The following ZBBX variants were observed in gnomAD, a reference collection of about 807,000 sequenced individuals.
The protein encoded by ZBBX is zinc finger B-box domain containing.
Under a neutral mutation model 108.5 loss-of-function variants are expected in ZBBX, and 101 were observed. That is an observed-to-expected ratio of 0.93 (90% CI 0.79 to 1.10). The LOEUF is 1.10. Among genes scored for constraint, ZBBX ranks in the 50% least tolerant of loss-of-function variants. ZBBX has a pLI of 0.00. For missense variants in ZBBX, 1,009 were observed against 941.4 expected (o/e 1.07, Z -0.94); for synonymous variants, 356 against 323.4 (o/e 1.10, Z -1.08).
At chr3:167,182,760 G>T in the ZBBX span, among the ~76,000 whole-genome samples, 4 of 152,002 alleles carry the variant, frequency 2.6e-5, no homozygotes, top group Non-Finnish European at 5.9e-5. Flanking sequence ...GGAATCATCT[G>T]ACTGCAAACA....
upstream of ZBBX, among the ~76,000 whole-genome samples, chr3:167,380,952 C>A (rs1334412934): frequency 6.6e-6 from 1 of 151,276 alleles, no homozygotes; most frequent in East Asian, 1.9e-4. Flanking sequence ...AAAGCTGCAC[C>A]TGTAGTGAAT....
intron 17 of ZBBX, among the ~76,000 whole-genome samples, chr3:167,301,753 C>T (rs987240896): frequency 1.3e-5 from 2 of 152,036 alleles, no homozygotes; most frequent in South Asian, 2.1e-4. Flanking sequence ...GTCAGGAGAT[C>T]GAGACCATCC....
At chr3:167,335,177 G>A (rs1739350915) in intron 9 of ZBBX, among the ~76,000 whole-genome samples, 3 of 151,484 alleles carry the variant, frequency 2.0e-5, no homozygotes, top group African/African-American at 2.4e-5. Context: ...GCTCACAAAA[G>A]GAAAAAACAT....
chr3:167,179,586 T>C, the ZBBX span, among the ~76,000 whole-genome samples: 3 of 152,236 alleles, frequency 2.0e-5, no homozygotes, highest in South Asian at 6.2e-4. Flanking sequence ...GTATTTTCAA[T>C]TAATTGTGTG....
chr3:167,237,004 G>A (rs1307367116), downstream of ZBBX, among the ~76,000 whole-genome samples: 1 of 151,732 alleles, frequency 6.6e-6, no homozygotes, highest in Admixed American at 6.6e-5. Context: ...GCCAAAACAA[G>A]GATAAGATGA....
At chr3:167,227,782 A>G in the ZBBX span, among the ~76,000 whole-genome samples, 1 of 151,712 alleles carries the variant, frequency 6.6e-6, no homozygotes, top group Non-Finnish European at 1.5e-5. Flanking sequence ...GCCTACATGT[A>G]TCCCATTATT....
intron 20 of ZBBX, among the ~76,000 whole-genome samples, chr3:167,277,788 G>C (rs536677549): frequency 6.6e-6 from 1 of 152,106 alleles, no homozygotes; most frequent in African/African-American, 2.4e-5. Context: ...CAAATCAACA[G>C]AATATACATT....
At chr3:167,366,989 T>C (rs985686198) in intron 5 of ZBBX, 2 of 436,044 alleles carry the variant, frequency 4.6e-6, no homozygotes, top group Non-Finnish European at 9.2e-6. Context: ...GGTATGTATA[T>C]AAGTTATGCA....
At chr3:167,271,632 T>G (rs756173957) in intron 20 of ZBBX, among the ~76,000 whole-genome samples, 1 of 152,144 alleles carries the variant, frequency 6.6e-6, no homozygotes, top group Non-Finnish European at 1.5e-5. Flanking sequence ...TCAGAGTTCA[T>G]GGGTGTATAG....
the ZBBX span, among the ~76,000 whole-genome samples, chr3:167,178,856 A>C: frequency 6.6e-6 from 1 of 152,176 alleles, no homozygotes; most frequent in Admixed American, 6.5e-5. Flanking sequence ...ATTCAATCGC[A>C]TATGTGGTGT....
intron 9 of ZBBX, among the ~76,000 whole-genome samples, chr3:167,344,357 G>A (rs1741078462): frequency 6.6e-6 from 1 of 151,824 alleles, no homozygotes; most frequent in Non-Finnish European, 1.5e-5. Flanking sequence ...AATGAATTGT[G>A]TGGTATATGA....
rs916455391 is a variant in ZBBX at position 167,386,740 on chromosome 3, T to C, written c.-445-6335A>G. ...CATTTCAGAGAAAAAGTCATTTATT[T>C]CTGGTCCTTGCCAAGTTTCAATAAG... On this transcript the variant is annotated intron_variant, in intron 1 of 21. Coordinates refer to the ZBBX transcript ENST00000455345. 3.3e-5 allele frequency among the ~76,000 whole-genome samples: 5 copies of C among 152,196 alleles called. No homozygotes were observed. The East Asian group carries it at 9.7e-4, about 29-fold the overall frequency.
chr3:167,298,898 A>T (rs1732135362), intron 17 of ZBBX, among the ~76,000 whole-genome samples: 1 of 152,030 alleles, frequency 6.6e-6, no homozygotes, highest in Non-Finnish European at 1.5e-5. Flanking sequence ...TGGAAAAAAA[A>T]ATGTAAGTTA....
chr3:167,233,970 T>C, the ZBBX span, among the ~76,000 whole-genome samples: 1 of 151,760 alleles, frequency 6.6e-6, no homozygotes, highest in Non-Finnish European at 1.5e-5. Context: ...TTATAAAGAA[T>C]CCCTTTATAT....
Position 167,379,632 on chromosome 3 carries a change from A to G in ZBBX, c.-132+6T>C, listed in dbSNP as rs1286848144. 1 of 152,200 alleles carries G rather than the reference A, an allele frequency of 6.6e-6. No homozygotes were observed. Among genetic ancestry groups the G allele is most frequent in the African/African-American group, 2.4e-5 (1 of 41,462 alleles). The allele number at this position is 152,200 out of a possible 1,614,324, so 9.4% of individuals were successfully genotyped here. ...TATAAAATATATATAACTGAACCTT[A>G]CATACCTGAGTCCCTCTACTGCTGA... On this transcript the variant is annotated splice_donor_region_variant and intron_variant, in intron 2 of 21. Transcript: ENST00000675490.
chr3:167,307,566 A>G (rs760177930), intron 16 of ZBBX, among the ~76,000 whole-genome samples: 2 of 152,128 alleles, frequency 1.3e-5, no homozygotes, highest in Non-Finnish European at 2.9e-5. Flanking sequence ...CCAACTTCAA[A>G]CTATACTGAA....
chr3:167,353,025 T>C (rs71304622), intron 8 of ZBBX, among the ~76,000 whole-genome samples: 3,171 of 152,178 alleles, frequency 0.021, 43 homozygotes, highest in Middle Eastern at 0.048. Context: ...CTTACTGAAC[T>C]GGGAAGTGTC....
At chr3:167,210,616 C>A in the ZBBX span, among the ~76,000 whole-genome samples, 1 of 152,084 alleles carries the variant, frequency 6.6e-6, no homozygotes, top group East Asian at 1.9e-4. Context: ...ATTTAATAAT[C>A]AAACTCCCAA....
At chr3:167,401,998 C>T (rs977080932) in intron 1 of ZBBX, among the ~76,000 whole-genome samples, 1 of 152,090 alleles carries the variant, frequency 6.6e-6, no homozygotes, top group Non-Finnish European at 1.5e-5. Flanking sequence ...TCTGGCAGGT[C>T]TGGATGCAGG....
Sources: allele counts gnomAD v4.1 joint callset (sites outside exome capture counted in the v4.1 genomes callset), GRCh38; gene constraint gnomAD v4.1.1; transcripts MANE v1.5; gene names NCBI Gene and HGNC (gene_info 2026-07-23, HGNC 2026-07-21).